The following COL24A1 variants were observed in gnomAD, a reference collection of about 807,000 sequenced individuals.
The protein encoded by COL24A1 is collagen alpha-1(XXIV) chain.
Under a neutral mutation model 253.9 loss-of-function variants are expected in COL24A1, and 224 were observed. That is an observed-to-expected ratio of 0.88 (90% CI 0.79 to 0.99). COL24A1 has a LOEUF of 0.99. COL24A1 is among the 50% of genes least tolerant of loss of function. The pLI, the probability that COL24A1 is intolerant of heterozygous loss-of-function variation, is 0.00. For synonymous variants in COL24A1, 685 were observed against 673.7 expected (o/e 1.02, Z -0.26); for missense variants, 2,131 against 2,068.5 (o/e 1.03, Z -0.59).
intron 42 of COL24A1, among the ~76,000 whole-genome samples, chr1:85,839,632 G>T (rs114927385): frequency 0.011 from 1,674 of 152,102 alleles, 30 homozygotes; most frequent in African/African-American, 0.039. Context: ...AGCTACTTGG[G>T]AGGTGGGAGG....
chr1:85,935,285 G>C (rs1182544636), intron 24 of COL24A1, among the ~76,000 whole-genome samples: 3 of 147,394 alleles, frequency 2.0e-5, no homozygotes, highest in African/African-American at 7.5e-5. Context: ...AGTTGGTTCG[G>C]AAAAAGAAAA....
chr1:86,120,618 C>A (rs190532538), intron 3 of COL24A1, among the ~76,000 whole-genome samples: 2 of 152,020 alleles, frequency 1.3e-5, no homozygotes, highest in Non-Finnish European at 2.9e-5. Flanking sequence ...GTTAGAATGG[C>A]GATCATTAAA....
At chr1:85,839,104 C>A (rs941490492) in intron 42 of COL24A1, among the ~76,000 whole-genome samples, 3 of 151,906 alleles carry the variant, frequency 2.0e-5, no homozygotes, top group African/African-American at 7.3e-5. Context: ...GGAGCTGAAG[C>A]AGGGGGAACA....
intron 43 of COL24A1, among the ~76,000 whole-genome samples, chr1:85,830,570 C>T (rs555249804): frequency 5.9e-5 from 9 of 152,196 alleles, no homozygotes; most frequent in East Asian, 1.9e-4. Flanking sequence ...TAGCAATCAG[C>T]GAGACTCCGT....
At chr1:86,030,836 A>T (rs74455415) in intron 14 of COL24A1, among the ~76,000 whole-genome samples, 12,984 of 151,418 alleles carry the variant, frequency 0.086, 659 homozygotes, top group Middle Eastern at 0.19. Context: ...AAGCTCAAGT[A>T]ACCCTCCTGC....
At chr1:85,824,851 T>A (rs1287792430) in intron 43 of COL24A1, among the ~76,000 whole-genome samples, 2 of 152,008 alleles carry the variant, frequency 1.3e-5, no homozygotes, top group Non-Finnish European at 2.9e-5. Flanking sequence ...ATCAGTCCCA[T>A]CTCCTGGGCT....
At chr1:85,741,363 T>C (rs1322796273) in intron 57 of COL24A1, among the ~76,000 whole-genome samples, 2 of 152,198 alleles carry the variant, frequency 1.3e-5, no homozygotes, top group Admixed American at 6.5e-5. Context: ...GAAAATGTTA[T>C]CTTTTATAGA....
chr1:86,016,725 TACAA>T (rs1697028264), intron 19 of COL24A1, among the ~76,000 whole-genome samples: 1 of 152,190 alleles, frequency 6.6e-6, no homozygotes, highest in Admixed American at 6.5e-5. Context: ...TTAAAGTATA[TACAA>T]ACAAATTTGA....
At chr1:86,032,299 A>G (rs532193812) in intron 13 of COL24A1, among the ~76,000 whole-genome samples, 1 of 152,264 alleles carries the variant, frequency 6.6e-6, no homozygotes, top group South Asian at 2.1e-4. Context: ...TTAGAAAAAC[A>G]TTTTCAGACG....
At chr1:86,115,628 GT>G (rs1706068946) in intron 3 of COL24A1, among the ~76,000 whole-genome samples, 1 of 152,204 alleles carries the variant, frequency 6.6e-6, no homozygotes, top group South Asian at 2.1e-4. Context: ...ACCGTATCTG[GT>G]TTTTAAAGGG....
intron 25 of COL24A1, among the ~76,000 whole-genome samples, chr1:85,910,700 A>T (rs1685283561): frequency 2.0e-5 from 3 of 151,992 alleles, no homozygotes; most frequent in Admixed American, 2.0e-4. Flanking sequence ...TTGAGAATGT[A>T]GTACATGAGA....
At chr1:86,081,324 T>G (rs1702623447) in intron 7 of COL24A1, among the ~76,000 whole-genome samples, 1 of 142,456 alleles carries the variant, frequency 7.0e-6, no homozygotes, top group Non-Finnish European at 1.5e-5. Context: ...TTTTTTTTTT[T>G]GAAAGTGTCA....
chr1:85,923,227 T>C (rs1318577646), intron 24 of COL24A1, among the ~76,000 whole-genome samples: 1 of 152,160 alleles, frequency 6.6e-6, no homozygotes, highest in Non-Finnish European at 1.5e-5. Context: ...AATGGGAAAC[T>C]TTAACACCCC....
intron 47 of COL24A1, among the ~76,000 whole-genome samples, chr1:85,787,859 G>C (rs939473380): frequency 3.9e-5 from 6 of 152,136 alleles, no homozygotes; most frequent in African/African-American, 9.7e-5. Flanking sequence ...CAGTGTAAAA[G>C]TGTTCCTATT....
intron 53 of COL24A1, among the ~76,000 whole-genome samples, chr1:85,763,192 G>A (rs947333969): frequency 3.3e-5 from 5 of 152,142 alleles, no homozygotes; most frequent in South Asian, 2.1e-4. Context: ...CAAGGCCAGC[G>A]GATTGCCTGA....
chr1:86,087,297 G>C (rs1268170054), intron 7 of COL24A1, among the ~76,000 whole-genome samples: 2 of 152,014 alleles, frequency 1.3e-5, no homozygotes, highest in African/African-American at 4.8e-5. Flanking sequence ...ATGTTACATA[G>C]ACCAAAAAGA....
At chr1:85,893,854 G>A (rs181818803) in intron 31 of COL24A1, among the ~76,000 whole-genome samples, 3 of 152,102 alleles carry the variant, frequency 2.0e-5, no homozygotes, top group Admixed American at 2.0e-4. Context: ...CATTGCCCTA[G>A]CTGGTCTTGA....
intron 5 of COL24A1, among the ~76,000 whole-genome samples, chr1:86,105,770 A>G (rs1052741198): frequency 6.6e-6 from 1 of 152,160 alleles, no homozygotes; most frequent in South Asian, 2.1e-4. Context: ...GTGGTGGTTG[A>G]GGGGTCTCCT....
intron 52 of COL24A1, among the ~76,000 whole-genome samples, chr1:85,781,008 C>T (rs1570586697): frequency 6.6e-6 from 1 of 152,008 alleles, no homozygotes; most frequent in East Asian, 2.0e-4. Flanking sequence ...TTTCTTTTCT[C>T]AACTCCAATT....
Sources: allele counts gnomAD v4.1 joint callset (sites outside exome capture counted in the v4.1 genomes callset), GRCh38; gene constraint gnomAD v4.1.1; transcripts MANE v1.5; gene names NCBI Gene and HGNC (gene_info 2026-07-23, HGNC 2026-07-21).